The following BRINP3 variants were observed in gnomAD, a reference collection of about 807,000 sequenced individuals.
BRINP3 encodes the protein BMP/retinoic acid-inducible neural-specific protein 3.
Under a neutral mutation model 71.0 loss-of-function variants are expected in BRINP3, and 19 were observed. The observed-to-expected ratio is 0.27, with a 90% CI of 0.19 to 0.39. BRINP3 has a LOEUF of 0.39. Among genes scored for constraint, BRINP3 ranks in the 10% least tolerant of loss-of-function variants. BRINP3 has a pLI of 1.00. For synonymous variants in BRINP3, 380 were observed against 337.7 expected (o/e 1.13, Z -1.37); for missense variants, 959 against 940.8 (o/e 1.02, Z -0.25).
chr1:190,132,107 G>A (rs10800906), intron 7 of BRINP3, among the ~76,000 whole-genome samples: 94,116 of 151,770 alleles, frequency 0.62, 31,204 homozygotes, highest in African/African-American at 0.88. Context: ...CAGGACCTAT[G>A]TATCAAATTT....
chr1:190,284,350 A>G (rs930221027), intron 2 of BRINP3, among the ~76,000 whole-genome samples: 1 of 152,060 alleles, frequency 6.6e-6, no homozygotes, highest in Non-Finnish European at 1.5e-5. Flanking sequence ...TTTATTATCA[A>G]CTAATATTAT....
At chr1:190,445,399 A>G (rs952460814) in intron 2 of BRINP3, among the ~76,000 whole-genome samples, 2 of 152,194 alleles carry the variant, frequency 1.3e-5, no homozygotes, top group Non-Finnish European at 2.9e-5. Context: ...CGATTAAAAA[A>G]TATTGTCAGC....
At position 190,161,074 on chromosome 1, in the gene BRINP3, A is replaced by G. The variant is rs554674772; in HGVS notation, c.962-184T>C. 1.2e-4 allele frequency among the ~76,000 whole-genome samples: 18 copies of G among 152,250 alleles called. No homozygotes were observed. The South Asian group carries it at 3.7e-3, about 32-fold the overall frequency. On this transcript the variant is annotated intron_variant, in intron 6 of 7. Coordinates refer to ENST00000367462, the MANE Select transcript of BRINP3 (RefSeq NM_199051.3). ...AAGATGGGGTTTTTAGATGCTTTAG[A>G]ATTATCTTCTTTGCTGTTCCCTTTA...
In BRINP3 at chr1:190,249,870, A is replaced by T. The variant is rs570320377; in HGVS notation, c.618+14995T>A. The stretch of plus-strand genomic sequence containing the variant: ...ATTTCTTACCAAAACCTCTAAATTT[A>T]AAAGGAAAAAATCATTTTTAAGATG... On this transcript the variant is annotated intron_variant, in intron 4 of 7. Transcript: ENST00000367462. Among the ~76,000 whole-genome samples the T allele has an allele frequency of 2.0e-5, 3 of 152,058 alleles. No individual in the cohort carries two copies. The South Asian group carries it at 6.2e-4, about 31-fold the overall frequency.
At chr1:190,327,326 C>CAA (rs1227478693) in intron 2 of BRINP3, among the ~76,000 whole-genome samples, 9,329 of 43,682 alleles carry the variant, frequency 0.21, 1,003 homozygotes, top group Non-Finnish European at 0.31. Flanking sequence ...AAAAAAAGAA[C>CAA]AAAAAAAAAA....
chr1:190,311,463 T>C (rs893179320), intron 2 of BRINP3, among the ~76,000 whole-genome samples: 1 of 151,534 alleles, frequency 6.6e-6, no homozygotes, highest in Non-Finnish European at 1.5e-5. Flanking sequence ...CAGAGTATAA[T>C]GATTAAGAAT....
intron 2 of BRINP3, among the ~76,000 whole-genome samples, chr1:190,417,214 A>T (rs1673064060): frequency 6.6e-6 from 1 of 152,270 alleles, no homozygotes; most frequent in African/African-American, 2.4e-5. Flanking sequence ...TTTTGAGAAA[A>T]AAAATATAAA....
chr1:190,275,621 A>G (rs1662489878), intron 3 of BRINP3, among the ~76,000 whole-genome samples: 1 of 151,594 alleles, frequency 6.6e-6, no homozygotes. Context: ...CACCGTCATA[A>G]GTAACTCAGT....
At chr1:190,099,500 A>T (rs148231623) in intron 7 of BRINP3, among the ~76,000 whole-genome samples, 1 of 152,314 alleles carries the variant, frequency 6.6e-6, no homozygotes, top group East Asian at 1.9e-4. Context: ...TATTGTTTTG[A>T]AATAAGAAGA....
At chr1:190,161,987 G>T (rs1651024392) in intron 6 of BRINP3, among the ~76,000 whole-genome samples, 1 of 151,952 alleles carries the variant, frequency 6.6e-6, no homozygotes, top group African/African-American at 2.4e-5. Context: ...TGAACATTGG[G>T]TTTATTTTTC....
chr1:190,418,470 A>G (rs1288496469), intron 2 of BRINP3, among the ~76,000 whole-genome samples: 1 of 151,998 alleles, frequency 6.6e-6, no homozygotes, highest in Non-Finnish European at 1.5e-5. Context: ...CAATTTTGCA[A>G]TTTGCTCTTC....
intron 7 of BRINP3, among the ~76,000 whole-genome samples, chr1:190,102,344 T>C (rs1416007289): frequency 6.6e-6 from 1 of 152,158 alleles, no homozygotes; most frequent in Admixed American, 6.5e-5. Context: ...TGGAGACAAA[T>C]GTCCTAACAA....
chr1:190,227,893 T>G (rs756322431), intron 5 of BRINP3, among the ~76,000 whole-genome samples: 13 of 151,974 alleles, frequency 8.6e-5, no homozygotes, highest in Non-Finnish European at 1.5e-4. Context: ...ATTAATTCAT[T>G]TAGATTTAAA....
chr1:190,098,945 G>A lies in BRINP3; in HGVS notation c.1374C>T (p.Thr458=), dbSNP rs759231720. 6.2e-7 allele frequency: 1 copy of A among 1,614,140 alleles called. No individual in the cohort carries two copies. The highest frequency in any genetic ancestry group is 1.7e-5 in the Admixed American group (1 of 60,020). ...AGCCGGTGTTGCAGGTGCCGCAGCGGGTGCGGTTGTCTGGTGCGCATGTCA... is the reference window on the plus strand; with the variant it reads ...AGCCGGTGTTGCAGGTGCCGCAGCGAGTGCGGTTGTCTGGTGCGCATGTCA... ...ACLTCAPDNR[T]RCGTCNTGYM... Residue 458 remains threonine (T), a synonymous_variant, in exon 8 of 8, where the codon ACC becomes ACT. Transcript: ENST00000367462.
At chr1:190,192,660 C>T (rs1374747248) in intron 6 of BRINP3, among the ~76,000 whole-genome samples, 1 of 151,444 alleles carries the variant, frequency 6.6e-6, no homozygotes, top group Non-Finnish European at 1.5e-5. Context: ...AAACACTGAT[C>T]CAAGGTGAAG....
intron 2 of BRINP3, among the ~76,000 whole-genome samples, chr1:190,372,864 T>G (rs1025591847): frequency 1.3e-5 from 2 of 152,148 alleles, no homozygotes; most frequent in Non-Finnish European, 2.9e-5. Flanking sequence ...AAACAAATAG[T>G]TCACAGACAA....
chr1:190,228,706 A>G (rs774566565), intron 5 of BRINP3, among the ~76,000 whole-genome samples: 33 of 151,994 alleles, frequency 2.2e-4, no homozygotes, highest in Non-Finnish European at 3.5e-4. Context: ...CAGACCACCG[A>G]TAAGAACTAG....
At chr1:190,108,982 C>G (rs542985728) in intron 7 of BRINP3, among the ~76,000 whole-genome samples, 1 of 152,178 alleles carries the variant, frequency 6.6e-6, no homozygotes, top group East Asian at 1.9e-4. Flanking sequence ...GTTCAGTTAG[C>G]AGGGAGAAGA....
At chr1:190,217,575 A>C (rs140877315) in intron 6 of BRINP3, among the ~76,000 whole-genome samples, 5 of 151,966 alleles carry the variant, frequency 3.3e-5, no homozygotes, top group African/African-American at 1.2e-4. Flanking sequence ...TAATATAAAT[A>C]TTTTTCTGTG....
Sources: allele counts gnomAD v4.1 joint callset (sites outside exome capture counted in the v4.1 genomes callset), GRCh38; gene constraint gnomAD v4.1.1; transcripts MANE v1.5; gene names NCBI Gene and HGNC (gene_info 2026-07-23, HGNC 2026-07-21).